The following CPT1A variants were observed in gnomAD, a reference collection of about 807,000 sequenced individuals.
CPT1A encodes carnitine palmitoyltransferase 1A.
In CPT1A, 64 loss-of-function variants were observed where a neutral mutation model predicts 100.8. The ratio of observed to expected loss-of-function variants is 0.63; its 90% CI spans 0.52 to 0.78. CPT1A has a LOEUF of 0.78. Ranked by LOEUF, CPT1A falls within the 30% of genes least tolerant of loss-of-function variation. The pLI, the probability that CPT1A is intolerant of heterozygous loss-of-function variation, is 0.00. For missense variants in CPT1A, 802 were observed against 1,034.1 expected, an observed-to-expected ratio of 0.78 and a Z score of 3.08; for synonymous variants, 363 against 396.0, an observed-to-expected ratio of 0.92 and a Z score of 0.99.
In CPT1A at chr11:68,784,973, G is replaced by A. The variant is rs547637990; in HGVS notation, c.1005C>T (p.Val335=). The part of the protein sequence containing the change: ...IQHMRDSKHI[V]VYHRGRYFKV... Reference sequence around the variant, plus strand: ...TGAAGTAGCGTCCTCGATGGTACACGACGATGTGCTTGCTGTCTCTCATGT... The same window carrying A: ...TGAAGTAGCGTCCTCGATGGTACACAACGATGTGCTTGCTGTCTCTCATGT... Residue 335 remains valine (V), a synonymous_variant, in exon 10 of 19, where the codon GTC becomes GTT. Coordinates refer to ENST00000265641, the MANE Select transcript of CPT1A (RefSeq NM_001876.4). The A allele has an allele frequency of 1.9e-6, 3 of 1,614,040 alleles. No individual in the cohort carries two copies. Among genetic ancestry groups the A allele is most frequent in the African/African-American group, 1.3e-5 (1 of 75,054 alleles).
intron 14 of CPT1A, among the ~76,000 whole-genome samples, chr11:68,763,876 C>T (rs908060522): frequency 6.6e-6 from 1 of 152,110 alleles, no homozygotes; most frequent in Non-Finnish European, 1.5e-5. Context: ...CTGGGCTGAA[C>T]CCGGGAGCCT....
chr11:68,814,503 T>C (rs1594362484), intron 2 of CPT1A, among the ~76,000 whole-genome samples: 1 of 151,514 alleles, frequency 6.6e-6, no homozygotes, highest in African/African-American at 2.4e-5. Flanking sequence ...GAGACGGGGG[T>C]TTCACCATGT....
At chr11:68,842,062 C>T, upstream of CPT1A, 1 of 718,466 alleles carries the variant, frequency 1.4e-6, no homozygotes, top group Non-Finnish European at 1.7e-6. Flanking sequence ...CGTCCTCGAC[C>T]TCTGCCGGAA....
Position 68,812,490 on chromosome 11 carries a change from C to T in CPT1A, c.228G>A (p.Lys76=), listed in dbSNP as rs2154001163. The change falls in exon 3 of 19, where the codon AAG becomes AAA. Residue 76 remains lysine (K), a synonymous_variant. Coordinates refer to ENST00000265641, the MANE Select transcript of CPT1A (RefSeq NM_001876.4). ...VVGVMTTMYA[K]IDPSLGIIAK... ...CAATTATTCCTAACGAGGGGTCGAT[C>T]TTGGCGTACATCGTTGTCATCACGC... is the stretch of plus-strand genomic sequence containing the variant. The T allele has an allele frequency of 2.5e-6, 4 of 1,614,198 alleles. No homozygotes were observed. The highest frequency in any genetic ancestry group is 4.5e-5 in the East Asian group (2 of 44,880).
chr11:68,774,781 CAAAAA>C (rs1169875761), intron 13 of CPT1A, among the ~76,000 whole-genome samples: 1 of 54,274 alleles, frequency 1.8e-5, no homozygotes, highest in African/African-American at 6.8e-5. Flanking sequence ...GACTACATCT[CAAAAA>C]AAAAAAAAAA....
intron 5 of CPT1A, among the ~76,000 whole-genome samples, chr11:68,801,929 G>T (rs1855911789): frequency 6.6e-6 from 1 of 152,092 alleles, no homozygotes; most frequent in Non-Finnish European, 1.5e-5. Flanking sequence ...ATAAACTGTG[G>T]TCCTTCCATA....
At chr11:68,838,616 G>C (rs751967612) in intron 1 of CPT1A, among the ~76,000 whole-genome samples, 1 of 138,620 alleles carries the variant, frequency 7.2e-6, no homozygotes, top group Non-Finnish European at 1.5e-5. Flanking sequence ...GGCTGTCACC[G>C]AGGCTGGAGC....
At chr11:68,788,260 G>A (rs1855517822) in intron 9 of CPT1A, among the ~76,000 whole-genome samples, 1 of 152,134 alleles carries the variant, frequency 6.6e-6, no homozygotes, top group Non-Finnish European at 1.5e-5. Context: ...TGTGCTGCAA[G>A]GACTTCATGG....
At chr11:68,781,692 G>C in intron 11 of CPT1A, 79 bp downstream of exon 11, 3 of 1,153,782 alleles carry the variant, frequency 2.6e-6, no homozygotes, top group Non-Finnish European at 3.9e-6. Flanking sequence ...TAGATACTTA[G>C]GGGTGAGTGT....
rs780487379 is a variant in CPT1A, at chr11:68,793,399, G to T, written c.883C>A (p.Arg295Ser). ...KLDREEIKPI[R>S]LLGSTIPLCS... ...AGTGGAATCGTGGATCCCAAAAGACGAATCTGTAACAAAAATATATTTCAA... is the reference window on the plus strand; with the variant it reads ...AGTGGAATCGTGGATCCCAAAAGACTAATCTGTAACAAAAATATATTTCAA... The change falls in exon 9 of 19, where the codon CGT becomes AGT. Residue 295 changes from arginine (R) to serine (S), a missense_variant. Physicochemically the swap from Arg to Ser is moderately radical, Grantham distance 110 (BLOSUM62 -1). Around this residue, in one of 4 missense-constraint regions of CPT1A, gnomAD observed 627 missense variants for 799.3 expected, o/e 0.78. Coordinates refer to ENST00000265641, the MANE Select transcript of CPT1A (RefSeq NM_001876.4). The T allele has an allele frequency of 6.2e-7, 1 of 1,608,318 alleles. No homozygotes were observed. Among genetic ancestry groups the T allele is most frequent in the East Asian group, 2.2e-5 (1 of 44,782 alleles).
chr11:68,793,367 G>A lies in CPT1A; in HGVS notation c.915C>T (p.Ser305=), dbSNP rs763082846. The A allele has an allele frequency of 7.4e-6, 12 of 1,611,798 alleles. No homozygotes were observed. Among genetic ancestry groups the A allele is most frequent in the East Asian group, 6.7e-5 (3 of 44,860 alleles). The change falls in exon 9 of 19, where the codon TCC becomes TCT. Residue 305 remains serine (S), a synonymous_variant. Coordinates refer to ENST00000265641, the MANE Select transcript of CPT1A (RefSeq NM_001876.4). ...RLLGSTIPLC[S]AQWERMFNTS... is the part of the protein sequence containing the mutation. ...TATTAAACATCCGCTCCCACTGAGC[G>A]GAGCAGAGTGGAATCGTGGATCCCA...
chr11:68,800,290 C>A (rs751389860), intron 5 of CPT1A, among the ~76,000 whole-genome samples: 3 of 152,106 alleles, frequency 2.0e-5, no homozygotes, highest in Non-Finnish European at 4.4e-5. Context: ...ACACAGAGAG[C>A]AATTGTTTAA....
intron 3 of CPT1A, among the ~76,000 whole-genome samples, chr11:68,808,949 A>G (rs1468695696): frequency 2.0e-5 from 3 of 151,024 alleles, no homozygotes; most frequent in Non-Finnish European, 4.4e-5. Context: ...ATACAAAAAT[A>G]AAATTTAAAA....
chr11:68,838,283 G>A (rs1857061349), intron 1 of CPT1A, among the ~76,000 whole-genome samples: 1 of 151,934 alleles, frequency 6.6e-6, no homozygotes, highest in Non-Finnish European at 1.5e-5. Context: ...AAAGGCAAAG[G>A]CAGACACTTC....
intron 1 of CPT1A, among the ~76,000 whole-genome samples, chr11:68,836,914 T>C (rs1431625967): frequency 1.3e-5 from 2 of 152,026 alleles, no homozygotes; most frequent in Non-Finnish European, 2.9e-5. Context: ...CAAACCTCCA[T>C]GTATTAAATC....
intron 1 of CPT1A, among the ~76,000 whole-genome samples, chr11:68,820,165 G>C (rs1244258143): frequency 3.3e-5 from 1 of 30,088 alleles, no homozygotes; most frequent in Non-Finnish European, 4.4e-4. Flanking sequence ...GAGTAGCTGG[G>C]ACTAATAGGC....
chr11:68,815,567 C>T, intron 1 of CPT1A, 80 bp from the exon 2 acceptor site: 6 of 1,391,170 alleles, frequency 4.3e-6, no homozygotes, highest in Middle Eastern at 1.8e-4. Context: ...AGTGCCATTC[C>T]TTCTGAACTT....
intron 13 of CPT1A, among the ~76,000 whole-genome samples, chr11:68,774,802 AAAAG>A (rs993720298): frequency 1.3e-5 from 2 of 151,324 alleles, no homozygotes; most frequent in African/African-American, 2.4e-5. Flanking sequence ...AAAAAAAAGA[AAAAG>A]AAAATGGTAT....
chr11:68,812,396 G>GT lies in CPT1A; in HGVS notation c.281+40dup, dbSNP rs756557760. On this transcript the variant is annotated intron_variant, in intron 3 of 18. Transcript: ENST00000265641. Reference sequence around the variant, plus strand: ...AGACATAAAAACAGCAATAAAATCGGTAACTTCCCAGACAATTGGAGATTT... The same window carrying GT: ...AGACATAAAAACAGCAATAAAATCGGTTAACTTCCCAGACAATTGGAGATTT... 17 of 1,613,046 alleles carry GT rather than the reference G, an allele frequency of 1.1e-5. No homozygotes were observed. The East Asian group carries it at 3.8e-4, about 36-fold the overall frequency.
Sources: gnomAD v4.1 joint callset for allele counts (sites outside exome capture counted in the v4.1 genomes callset) on GRCh38, gnomAD v4.1.1 for gene constraint, gnomAD v4.1.1 regional missense constraint, MANE v1.5 for transcripts, NCBI Gene and HGNC (gene_info 2026-07-23, HGNC 2026-07-21) for gene names.